ALKBH1: variants seen among roughly 807,000 people sequenced by gnomAD.
ALKBH1 encodes nucleic acid dioxygenase ALKBH1.
In ALKBH1, 31 loss-of-function variants were observed where a neutral mutation model predicts 36.6. The observed-to-expected ratio is 0.85, with a 90% confidence interval of 0.64 to 1.14. ALKBH1 has a LOEUF of 1.14. ALKBH1 is among the 50% of genes most tolerant of loss of function. The probability of loss-of-function intolerance (pLI) is 0.00; values close to 1 mark genes in which losing one functional copy is unlikely to be tolerated. For synonymous variants in ALKBH1, 183 were observed against 186.6 expected (o/e 0.98, Z 0.16); for missense variants, 490 against 497.3 (o/e 0.99, Z 0.14).
intron 1 of ALKBH1, among the ~76,000 whole-genome samples, chr14:77,705,162 C>T (rs970687015): frequency 1.3e-5 from 2 of 152,090 alleles, no homozygotes; most frequent in African/African-American, 4.8e-5. Flanking sequence ...CGCCTGTAAT[C>T]CCAGCACTTT....
In ALKBH1 at chr14:77,673,759, T is replaced by C. The variant is rs1239317939; in HGVS notation, c.*53A>G. ...AAGTCCACGGCAATACACAATAACATGATCATTTACGGTAAGCAGGTGCCT... is the reference window on the plus strand; with the variant it reads ...AAGTCCACGGCAATACACAATAACACGATCATTTACGGTAAGCAGGTGCCT... On this transcript the variant is annotated 3_prime_UTR_variant, in exon 6 of 6. Coordinates refer to ENST00000216489, the MANE Select transcript of ALKBH1 (RefSeq NM_006020.3). The C allele has an allele frequency of 1.9e-6, 3 of 1,545,220 alleles. No homozygotes were observed. In the African/African-American group the frequency reaches 4.1e-5, roughly 21 times the overall value.
intron 4 of ALKBH1, among the ~76,000 whole-genome samples, chr14:77,677,071 G>A (rs930019690): frequency 2.7e-5 from 4 of 149,230 alleles, no homozygotes; most frequent in African/African-American, 9.9e-5. Context: ...ACTGAGTCTC[G>A]TTCTGTCACC....
intron 4 of ALKBH1, among the ~76,000 whole-genome samples, chr14:77,678,488 G>A (rs778716305): frequency 3.3e-5 from 5 of 150,376 alleles, no homozygotes; most frequent in Admixed American, 1.3e-4. Context: ...TGGGGAGGTC[G>A]AGGCTATAGT....
At chr14:77,677,231 G>C (rs373354482) in intron 4 of ALKBH1, among the ~76,000 whole-genome samples, 1 of 151,854 alleles carries the variant, frequency 6.6e-6, no homozygotes, top group Admixed American at 6.6e-5. Context: ...GTAGGAACAG[G>C]GTTTCACCAT....
intron 5 of ALKBH1, 114 bp downstream of exon 5, chr14:77,675,542 T>C (rs921760128): frequency 5.8e-6 from 5 of 856,364 alleles, no homozygotes; most frequent in Non-Finnish European, 8.6e-6. Context: ...TGGAAGATTA[T>C]AGAGTCCAAC....
intron 4 of ALKBH1, among the ~76,000 whole-genome samples, chr14:77,678,604 C>T (rs774253700): frequency 6.6e-6 from 1 of 150,964 alleles, no homozygotes; most frequent in Non-Finnish European, 1.5e-5. Flanking sequence ...ATGGTCTATA[C>T]CAATATTTTT....
At position 77,673,645 on chromosome 14, in the gene ALKBH1, C is replaced by A. The variant is rs1048147; in HGVS notation, c.*167G>T. On this transcript the variant is annotated 3_prime_UTR_variant, in exon 6 of 6. Transcript: ENST00000216489. ...TCAAACACTTCTCTGAGCAAAGTGG[C>A]TGAGTTTACTTCTGCGTGGGTTCCA... 0.16 allele frequency: 109,519 copies of A among 667,088 alleles called. 9,327 individuals are homozygous for A. Among genetic ancestry groups the A allele is most frequent in the East Asian group, 0.23 (8,582 of 36,976 alleles). 41.3% of individuals were successfully genotyped at this position (667,088 alleles called of 1,614,324 possible).
chr14:77,705,137 G>A (rs570580294), intron 1 of ALKBH1, among the ~76,000 whole-genome samples: 2 of 152,220 alleles, frequency 1.3e-5, no homozygotes, highest in Admixed American at 6.5e-5. Context: ...AGAGAAGGCC[G>A]GTCGCAGTGG....
chr14:77,688,029 GC>G (rs950044483), intron 3 of ALKBH1, among the ~76,000 whole-genome samples: 34 of 151,948 alleles, frequency 2.2e-4, no homozygotes, highest in African/African-American at 8.2e-4. Flanking sequence ...AAACAGTATG[GC>G]CCCAACTACA....
chr14:77,682,191 A>G (rs2080241678), intron 3 of ALKBH1, among the ~76,000 whole-genome samples: 2 of 152,236 alleles, frequency 1.3e-5, no homozygotes, highest in Admixed American at 1.3e-4. Flanking sequence ...ACAACCACAC[A>G]TTATTTTTGT....
At chr14:77,707,673 G>A in intron 1 of ALKBH1, 149 bp downstream of exon 1, 1 of 811,592 alleles carries the variant, frequency 1.2e-6, no homozygotes, top group Non-Finnish European at 1.8e-6. Context: ...GTGACGGTTA[G>A]TGGGGAGTTC....
intron 3 of ALKBH1, among the ~76,000 whole-genome samples, chr14:77,692,929 C>T (rs1040940215): frequency 3.3e-5 from 5 of 151,272 alleles, no homozygotes; most frequent in Admixed American, 1.3e-4. Context: ...TTTTTGGGGC[C>T]GGGAAGTGCC....
chr14:77,699,797 T>C (rs1330321050), intron 2 of ALKBH1, among the ~76,000 whole-genome samples: 1 of 152,210 alleles, frequency 6.6e-6, no homozygotes, highest in Non-Finnish European at 1.5e-5. Context: ...GGCTCATGCC[T>C]GTAATCCCAG....
chr14:77,677,362 A>G (rs1180599555), intron 4 of ALKBH1, among the ~76,000 whole-genome samples: 5 of 152,088 alleles, frequency 3.3e-5, no homozygotes, highest in African/African-American at 1.2e-4. Flanking sequence ...TCTCTATAAC[A>G]TCTTTCTGCA....
intron 3 of ALKBH1, 130 bp from the exon 4 acceptor site, chr14:77,680,100 T>C (rs1380942424): frequency 7.6e-6 from 5 of 657,686 alleles, no homozygotes; most frequent in East Asian, 2.7e-5. Context: ...TAGGAGAAAT[T>C]AGAAGAGATA....
In ALKBH1 at chr14:77,702,570, G is replaced by A. The variant is rs533836519; in HGVS notation, c.292+1799C>T. On this transcript the variant is annotated intron_variant, in intron 2 of 5. Transcript: ENST00000216489. ...TTTTAACCCATATTTGAAATCACAA[G>A]TGCAATGTTAACTTTTACAATGGCC... Among the ~76,000 whole-genome samples, 16 of 152,156 alleles carry A rather than the reference G, an allele frequency of 1.1e-4. No individual in the cohort carries two copies. The East Asian group carries it at 2.9e-3, about 28-fold the overall frequency.
intron 2 of ALKBH1, among the ~76,000 whole-genome samples, chr14:77,695,153 G>T (rs1046421003): frequency 6.6e-6 from 1 of 152,136 alleles, no homozygotes; most frequent in Admixed American, 6.5e-5. Flanking sequence ...GCAAACTTTA[G>T]AATTGGAAGT....
intron 2 of ALKBH1, among the ~76,000 whole-genome samples, chr14:77,702,354 C>T (rs2080364053): frequency 6.6e-6 from 1 of 151,854 alleles, no homozygotes; most frequent in Admixed American, 6.6e-5. Context: ...AGGTGAGGAG[C>T]GGCCTCCAAG....
intron 3 of ALKBH1, among the ~76,000 whole-genome samples, chr14:77,686,256 A>T (rs2080267730): frequency 6.6e-6 from 1 of 152,186 alleles, no homozygotes; most frequent in South Asian, 2.1e-4. Flanking sequence ...TTTAAGCATA[A>T]AATACTGAGA....
Sources: allele counts gnomAD v4.1 joint callset (sites outside exome capture counted in the v4.1 genomes callset), GRCh38; gene constraint gnomAD v4.1.1; transcripts MANE v1.5; gene names NCBI Gene and HGNC (gene_info 2026-07-23, HGNC 2026-07-21).